Variants in CEP63 observed in about 807,000 individuals in gnomAD.
CEP63 encodes centrosomal protein 63.
Under a neutral mutation model 89.1 loss-of-function variants are expected in CEP63, and 84 were observed. The ratio of observed to expected loss-of-function variants is 0.94; its 90% CI spans 0.79 to 1.13. CEP63 has a LOEUF of 1.13. CEP63 is among the 50% of genes most tolerant of loss of function. CEP63 has a pLI of 0.00. For synonymous variants in CEP63, 267 were observed against 272.5 expected, an observed-to-expected ratio of 0.98 and a Z score of 0.20; for missense variants, 838 against 813.3, an observed-to-expected ratio of 1.03 and a Z score of -0.37.
At chr3:134,493,030 A>G (rs888599924) in intron 1 of CEP63, among the ~76,000 whole-genome samples, 7 of 152,262 alleles carry the variant, frequency 4.6e-5, no homozygotes, top group African/African-American at 1.7e-4. Context: ...GTCATAGAAA[A>G]TATATTAATG....
At chr3:134,617,653 T>C in the CEP63 span, among the ~76,000 whole-genome samples, 4 of 152,218 alleles carry the variant, frequency 2.6e-5, no homozygotes, top group East Asian at 7.7e-4. Context: ...AATGGTATTT[T>C]TTAAATTTAA....
At chr3:134,693,309 T>A in the CEP63 span, among the ~76,000 whole-genome samples, 3 of 152,188 alleles carry the variant, frequency 2.0e-5, no homozygotes, top group African/African-American at 7.2e-5. Context: ...TCCAGAGTCA[T>A]CTTGCAGACA....
rs184617332 is a variant in CEP63, at chr3:134,559,119, T to C, written c.1674-31T>C. 5 of 1,610,974 alleles carry C rather than the reference T, an allele frequency of 3.1e-6. No homozygotes were observed. The East Asian group carries it at 1.1e-4, about 36-fold the overall frequency. ...AAAGAGAAAAGTTGCTACAATTTTT[T>C]ATTTGTTTTGTTTTCTAATCTACCA... On this transcript the variant is annotated intron_variant, in intron 13 of 14. Transcript: ENST00000675561.
the CEP63 span, among the ~76,000 whole-genome samples, chr3:134,705,088 G>T: frequency 6.6e-6 from 1 of 152,100 alleles, no homozygotes; most frequent in Non-Finnish European, 1.5e-5. Flanking sequence ...CCTGCAAGAG[G>T]CTAAGGGTCC....
rs575090612 is a variant in CEP63, at chr3:134,507,073, T to C, written c.45-36T>C. On this transcript the variant is annotated intron_variant, in intron 2 of 14. Coordinates refer to ENST00000675561, the MANE Select transcript of CEP63 (RefSeq NM_001353108.3). ...AAAGATGAAAAGCCACTTGAACATATCTTCTGTTTTTTTAATGATCTGTTC... is the reference window on the plus strand; with the variant it reads ...AAAGATGAAAAGCCACTTGAACATACCTTCTGTTTTTTTAATGATCTGTTC... The C allele has an allele frequency of 1.6e-5, 25 of 1,563,920 alleles. No individual in the cohort carries two copies. The South Asian group carries it at 2.8e-4, about 17-fold the overall frequency.
At chr3:134,645,328 G>A in the CEP63 span, among the ~76,000 whole-genome samples, 2 of 152,284 alleles carry the variant, frequency 1.3e-5, no homozygotes, top group Admixed American at 6.5e-5. Context: ...AGCAGTGCAC[G>A]GGGTAGCAAG....
the CEP63 span, among the ~76,000 whole-genome samples, chr3:134,685,434 A>T: frequency 6.6e-6 from 1 of 152,124 alleles, no homozygotes; most frequent in African/African-American, 2.4e-5. Context: ...ATGTGTTTTT[A>T]TCCTTTGCCT....
the CEP63 span, among the ~76,000 whole-genome samples, chr3:134,683,196 G>A: frequency 6.6e-6 from 1 of 152,202 alleles, no homozygotes. Context: ...AAGCAAAGAG[G>A]CCTTGCATGG....
the CEP63 span, among the ~76,000 whole-genome samples, chr3:134,718,872 T>G: frequency 2.0e-5 from 3 of 152,208 alleles, no homozygotes; most frequent in Admixed American, 2.0e-4. Context: ...CAGTTTAAGA[T>G]TCCAAGATTC....
At chr3:134,604,580 G>A in the CEP63 span, 2 of 955,524 alleles carry the variant, frequency 2.1e-6, no homozygotes, top group Admixed American at 2.5e-5. Flanking sequence ...CTGACTTATA[G>A]AGCTTGTCTA....
At chr3:134,579,106 A>G (rs1958286812), downstream of CEP63, among the ~76,000 whole-genome samples, 2 of 152,244 alleles carry the variant, frequency 1.3e-5, no homozygotes, top group Non-Finnish European at 2.9e-5. Flanking sequence ...TGATGGTGTT[A>G]ACACTTGACA....
the CEP63 span, among the ~76,000 whole-genome samples, chr3:134,698,746 G>C: frequency 6.6e-6 from 1 of 152,162 alleles, no homozygotes; most frequent in Non-Finnish European, 1.5e-5. Flanking sequence ...CCTTTCTCAG[G>C]CTACCTCCAT....
chr3:134,757,828 G>A, the CEP63 span, among the ~76,000 whole-genome samples: 705 of 152,274 alleles, frequency 4.6e-3, 7 homozygotes, highest in Non-Finnish European at 8.4e-3. Context: ...GTCTGCAGGA[G>A]ACAGTGTTAG....
At chr3:134,606,487 G>T in the CEP63 span, among the ~76,000 whole-genome samples, 1 of 152,254 alleles carries the variant, frequency 6.6e-6, no homozygotes, top group East Asian at 1.9e-4. Context: ...TGTCCCCGTG[G>T]CAAAGCAGCC....
intron 3 of CEP63, among the ~76,000 whole-genome samples, chr3:134,519,385 C>T (rs769850192): frequency 1.3e-5 from 2 of 152,020 alleles, no homozygotes; most frequent in African/African-American, 2.4e-5. Flanking sequence ...CTGCCCGCCT[C>T]AGCCACCCAA....
upstream of CEP63, chr3:134,485,955 C>G: frequency 1.0e-6 from 1 of 982,122 alleles, no homozygotes; most frequent in Non-Finnish European, 1.2e-6. Flanking sequence ...CCCTTACCGG[C>G]ACCCGGCCAC....
chr3:134,519,426 G>A (rs778207147), intron 3 of CEP63, among the ~76,000 whole-genome samples: 3 of 151,990 alleles, frequency 2.0e-5, no homozygotes, highest in Admixed American at 6.6e-5. Flanking sequence ...GAGCCACCAC[G>A]CCCGGCTGAA....
At chr3:134,610,308 C>A in the CEP63 span, 1 of 1,613,770 alleles carries the variant, frequency 6.2e-7, no homozygotes. Context: ...CAAACTCCCC[C>A]GAGAAGCTCT....
the CEP63 span, among the ~76,000 whole-genome samples, chr3:134,776,806 G>A: frequency 1.3e-5 from 2 of 152,204 alleles, no homozygotes; most frequent in African/African-American, 4.8e-5. Context: ...AAGAGGTGGT[G>A]AAGATATGAC....
Sources: gnomAD v4.1 joint callset for allele counts (sites outside exome capture counted in the v4.1 genomes callset) on GRCh38, gnomAD v4.1.1 for gene constraint, MANE v1.5 for transcripts, NCBI Gene and HGNC (gene_info 2026-07-23, HGNC 2026-07-21) for gene names.